TMOD3: variants seen among roughly 807,000 people sequenced by gnomAD.
TMOD3 encodes the protein tropomodulin-3.
Under a neutral mutation model 39.2 loss-of-function variants are expected in TMOD3, and 20 were observed. The ratio of observed to expected loss-of-function variants is 0.51; its 90% CI spans 0.36 to 0.74. The LOEUF (loss-of-function observed/expected upper bound fraction) is 0.74. TMOD3 is among the 30% of genes least tolerant of loss of function. The probability of loss-of-function intolerance (pLI) is 0.00; values close to 1 mark genes in which losing one functional copy is unlikely to be tolerated. For synonymous variants in TMOD3, 143 were observed against 145.8 expected (o/e 0.98, Z 0.14); for missense variants, 381 against 412.8 (o/e 0.92, Z 0.67).
At chr15:51,908,000 TTTG>T (rs1476335146) in intron 9 of TMOD3, among the ~76,000 whole-genome samples, 1 of 152,194 alleles carries the variant, frequency 6.6e-6, no homozygotes, top group East Asian at 1.9e-4. Flanking sequence ...TTACTTTGCA[TTTG>T]TTGTTTTATC....
chr15:51,849,024 A>G (rs2056348721), intron 1 of TMOD3, among the ~76,000 whole-genome samples: 1 of 152,198 alleles, frequency 6.6e-6, no homozygotes. Flanking sequence ...TATGTTCCCG[A>G]TCAGCTTCTT....
chr15:51,836,302 A>G (rs944379903), intron 1 of TMOD3, among the ~76,000 whole-genome samples: 8 of 151,988 alleles, frequency 5.3e-5, no homozygotes, highest in Admixed American at 1.3e-4. Context: ...ATTCCTCCCA[A>G]TTCCCCCCTG....
chr15:51,841,345 T>C lies in TMOD3; in HGVS notation c.-75+11509T>C, dbSNP rs149213261. Among the ~76,000 whole-genome samples, 216 of 152,332 alleles carry C rather than the reference T, an allele frequency of 1.4e-3. 11 individuals are homozygous for C. Among genetic ancestry groups the C allele is most frequent in the East Asian group, 9.8e-3 (51 of 5,194 alleles). Reference sequence around the variant, plus strand: ...TTCTATCACTAAAGGTAATAATTGATAGTTGTTGTCATAAGTGTTAATTTC... The same window carrying C: ...TTCTATCACTAAAGGTAATAATTGACAGTTGTTGTCATAAGTGTTAATTTC... On this transcript the variant is annotated intron_variant, in intron 1 of 9. Transcript: ENST00000308580.
chr15:51,860,294 G>T, intron 1 of TMOD3: 1 of 530,984 alleles, frequency 1.9e-6, no homozygotes. Flanking sequence ...CTTAAATTAT[G>T]CTTACAGAAT....
chr15:51,885,284 C>CT lies in TMOD3; in HGVS notation c.284-2287dup, dbSNP rs67378569. ...TTCTAGAGTAACTAGTTTCTTTTTT[C>CT]TTTTTTTTTTTTTTTTTTAGTATTT... On this transcript the variant is annotated intron_variant, in intron 3 of 9. Transcript: ENST00000308580. Among the ~76,000 whole-genome samples the CT allele has an allele frequency of 8.5e-3, 1,082 of 126,956 alleles. 5 individuals are homozygous for CT. Among genetic ancestry groups the CT allele is most frequent in the East Asian group, 0.013 (57 of 4,302 alleles). The allele number at this position is 126,956 out of a possible 152,430, so 83.3% of individuals were successfully genotyped here. A position where few individuals can be genotyped will look rare whatever the true frequency, so the allele number is the denominator to read the frequency against.
At chr15:51,881,387 G>T (rs1289567311) in intron 3 of TMOD3, among the ~76,000 whole-genome samples, 1 of 151,976 alleles carries the variant, frequency 6.6e-6, no homozygotes, top group Non-Finnish European at 1.5e-5. Context: ...CTATTCAGCA[G>T]ATTATCTTTT....
intron 5 of TMOD3, among the ~76,000 whole-genome samples, chr15:51,893,294 C>CAAAAAAAAAAAAA (rs59321162): frequency 1.7e-5 from 1 of 59,010 alleles, no homozygotes; most frequent in African/African-American, 7.2e-5. Flanking sequence ...GACTCCATCT[C>CAAAAAAAAAAAAA]AAAAAAAAAA....
chr15:51,855,550 G>A (rs529577720), intron 1 of TMOD3, among the ~76,000 whole-genome samples: 6 of 152,334 alleles, frequency 3.9e-5, no homozygotes, highest in African/African-American at 4.8e-5. Flanking sequence ...TTAAATGATC[G>A]TGAGAATGTT....
At chr15:51,877,135 T>C (rs1824956429) in intron 3 of TMOD3, among the ~76,000 whole-genome samples, 1 of 152,200 alleles carries the variant, frequency 6.6e-6, no homozygotes, top group Non-Finnish European at 1.5e-5. Flanking sequence ...TTATAGTAAT[T>C]TTTAATGTCC....
chr15:51,860,116 C>A, intron 1 of TMOD3: 1 of 480,784 alleles, frequency 2.1e-6, no homozygotes, highest in South Asian at 1.6e-5. Flanking sequence ...GTACGCTGCT[C>A]TTCTCCCGTT....
chr15:51,855,314 C>G lies in TMOD3; in HGVS notation c.-74-7497C>G, dbSNP rs2056382540. On this transcript the variant is annotated intron_variant, in intron 1 of 9. Transcript: ENST00000308580. Reference sequence around the variant, plus strand: ...TTAGAAATGCAGATTATCTGCCCACCCCAGACCTACTCAATCAAGAAACAC... The same window carrying G: ...TTAGAAATGCAGATTATCTGCCCACGCCAGACCTACTCAATCAAGAAACAC... Among the ~76,000 whole-genome samples the G allele has an allele frequency of 2.0e-5, 3 of 152,282 alleles. 1 individual carries two copies. The South Asian group carries it at 6.2e-4, about 32-fold the overall frequency.
At chr15:51,872,267 C>T (rs2056478672) in intron 3 of TMOD3, among the ~76,000 whole-genome samples, 1 of 152,086 alleles carries the variant, frequency 6.6e-6, no homozygotes, top group South Asian at 2.1e-4. Flanking sequence ...GTGGCATGCA[C>T]CTGTAATCCT....
intron 7 of TMOD3, 35 bp from the exon 8 acceptor site, chr15:51,900,120 A>C: frequency 6.2e-7 from 1 of 1,606,186 alleles, no homozygotes; most frequent in Non-Finnish European, 8.5e-7. Context: ...TACTGTATCA[A>C]ATTTTAATCT....
At position 51,839,163 on chromosome 15, in the gene TMOD3, C is replaced by CTTTTTTTTTTTTTTT. The variant is rs111813783; in HGVS notation, c.-75+9328_-75+9329insTTTTTTTTTTTTTTT. 9.7e-4 allele frequency among the ~76,000 whole-genome samples: 107 copies of CTTTTTTTTTTTTTTT among 109,770 alleles called. 9 individuals are homozygous for CTTTTTTTTTTTTTTT. The highest frequency in any genetic ancestry group is 1.6e-3 in the East Asian group (6 of 3,670). 72.0% of individuals were successfully genotyped at this position (109,770 alleles called of 152,430 possible). The stretch of plus-strand genomic sequence containing the variant: ...TGACAGCTAAGAAATAGGTGTATCT[C>CTTTTTTTTTTTTTTT]TCTTTTTTTTTTTTTCCATTTTGTT... On this transcript the variant is annotated intron_variant, in intron 1 of 9. Transcript: ENST00000308580.
intron 9 of TMOD3, among the ~76,000 whole-genome samples, chr15:51,906,133 G>A (rs2056679465): frequency 6.6e-6 from 1 of 152,084 alleles, no homozygotes; most frequent in Admixed American, 6.6e-5. Context: ...GTCCTCTGTT[G>A]TGCACACAGC....
intron 7 of TMOD3, chr15:51,898,863 T>C (rs1439566045): frequency 6.6e-6 from 1 of 152,222 alleles, no homozygotes; most frequent in Non-Finnish European, 1.5e-5. Context: ...TGTCTCTTTT[T>C]CTTTCCTTCC....
At chr15:51,900,651 T>C (rs1463572799) in intron 8 of TMOD3, among the ~76,000 whole-genome samples, 1 of 152,204 alleles carries the variant, frequency 6.6e-6, no homozygotes, top group East Asian at 1.9e-4. Flanking sequence ...GAGATACATG[T>C]TAGAAATGTT....
In TMOD3 at chr15:51,889,123, T is replaced by C. The variant is rs2056580115; in HGVS notation, c.474T>C (p.Gly158=). ...GTAATATAATGGGAAGTAGTAATGG[T>C]GTTGACCAAGAACATTTTTCAAGTG... ...KFCNIMGSSN[G]VDQEHFSNVV... The change falls in exon 5 of 10, where the codon GGT becomes GGC. Residue 158 remains glycine (G), a synonymous_variant. Transcript: ENST00000308580. 1.9e-6 allele frequency: 3 copies of C among 1,602,948 alleles called. No homozygotes were observed. Among genetic ancestry groups the C allele is most frequent in the African/African-American group, 1.3e-5 (1 of 74,288 alleles).
At chr15:51,881,606 G>A (rs2056535011) in intron 3 of TMOD3, among the ~76,000 whole-genome samples, 1 of 140,394 alleles carries the variant, frequency 7.1e-6, no homozygotes, top group African/African-American at 2.7e-5. Flanking sequence ...TTGTTGCCGG[G>A]GCTGGAGTGC....
Sources: gnomAD v4.1 joint callset for allele counts (sites outside exome capture counted in the v4.1 genomes callset) on GRCh38, gnomAD v4.1.1 for gene constraint, MANE v1.5 for transcripts, NCBI Gene and HGNC (gene_info 2026-07-23, HGNC 2026-07-21) for gene names.